Variants in NBAS observed in about 807,000 individuals in gnomAD.
NBAS encodes the protein NBAS subunit of NRZ tethering complex, also known as NAG/BC035112 fusion.
In NBAS, 219 loss-of-function variants were observed where a neutral mutation model predicts 302.5. The ratio of observed to expected loss-of-function variants is 0.72; its 90% confidence interval spans 0.65 to 0.81. NBAS has a LOEUF of 0.81. Among genes scored for constraint, NBAS ranks in the 30% least tolerant of loss-of-function variants. The pLI is 0.00. For synonymous variants in NBAS, 1,118 were observed against 1,021.6 expected (o/e 1.09, Z -1.80); for missense variants, 2,932 against 2,841.6 (o/e 1.03, Z -0.72).
At chr2:15,160,594 G>A in the NBAS span, among the ~76,000 whole-genome samples, 6 of 108,402 alleles carry the variant, frequency 5.5e-5, no homozygotes, top group South Asian at 4.4e-4. Context: ...GCGGGGGGAG[G>A]GGGGGGGGCA....
intron 40 of NBAS, among the ~76,000 whole-genome samples, chr2:15,298,097 C>A (rs749415056): frequency 4.6e-5 from 7 of 152,110 alleles, no homozygotes; most frequent in African/African-American, 7.2e-5. Flanking sequence ...GTAATCCCAG[C>A]ACTTTGGGAG....
the NBAS span, among the ~76,000 whole-genome samples, chr2:15,072,468 G>A: frequency 6.6e-6 from 1 of 151,958 alleles, no homozygotes; most frequent in South Asian, 2.1e-4. Context: ...AATTTTTTAT[G>A]ATGTTTCTGT....
At chr2:14,951,442 A>C in the NBAS span, among the ~76,000 whole-genome samples, 26,950 of 152,058 alleles carry the variant, frequency 0.18, 2,489 homozygotes, top group African/African-American at 0.21. Flanking sequence ...GTCATGATAG[A>C]TCAATTACCC....
chr2:15,439,534 T>G (rs1345871427), intron 21 of NBAS, among the ~76,000 whole-genome samples: 2 of 151,610 alleles, frequency 1.3e-5, no homozygotes, highest in Non-Finnish European at 2.9e-5. Flanking sequence ...CAGCTCTGGT[T>G]GCAAACAGCA....
intron 47 of NBAS, among the ~76,000 whole-genome samples, chr2:15,229,467 GCATCAACATAAAAAGATAAAAGAGGA>G (rs1343870424): frequency 1.3e-5 from 2 of 149,356 alleles, no homozygotes; most frequent in Admixed American, 6.7e-5. Flanking sequence ...AATAATATTT[GCATCAACATAAAAAGATAAAAGAGGA>G]CATGTGGGCC....
Position 15,275,793 on chromosome 2 carries a change from A to C in NBAS, c.5415T>G (p.Asp1805Glu), listed in dbSNP as rs776029373. Residue 1805 changes from aspartate (D) to glutamate (E), a missense_variant, in exon 44 of 52, where the codon GAT becomes GAG. By Grantham distance (45) the Asp-to-Glu change is conservative. Coordinates refer to ENST00000281513, the MANE Select transcript of NBAS (RefSeq NM_015909.4). ...ASGLNYKKLTDENMSPLEALE... is the reference protein window; with the variant it reads ...ASGLNYKKLTEENMSPLEALE... ...ATGCTTCAAGAGGACTCATGTTTTC[A>C]TCTGTCAGCTTTTTGTAATTAAGAC... 2.5e-5 allele frequency: 40 copies of C among 1,613,774 alleles called. No individual in the cohort carries two copies. The highest frequency in any genetic ancestry group is 3.2e-5 in the Non-Finnish European group (38 of 1,180,016).
chr2:15,352,363 C>T (rs1673402288), intron 34 of NBAS, among the ~76,000 whole-genome samples: 1 of 151,888 alleles, frequency 6.6e-6, no homozygotes, highest in African/African-American at 2.4e-5. Flanking sequence ...TTCTTGCCTC[C>T]AAAGAAGAAA....
intron 40 of NBAS, among the ~76,000 whole-genome samples, chr2:15,301,502 G>C (rs1016363904): frequency 1.3e-5 from 2 of 152,214 alleles, no homozygotes; most frequent in African/African-American, 4.8e-5. Context: ...CACCAAGTGA[G>C]CAATCAGTTT....
the NBAS span, among the ~76,000 whole-genome samples, chr2:15,079,714 C>T: frequency 6.6e-6 from 1 of 152,132 alleles, no homozygotes; most frequent in African/African-American, 2.4e-5. Flanking sequence ...CCCTTTCCTC[C>T]CCTGGGTTTC....
At chr2:15,056,101 TAA>T in the NBAS span, among the ~76,000 whole-genome samples, 2 of 147,440 alleles carry the variant, frequency 1.4e-5, no homozygotes. Context: ...CTCCTGGAAG[TAA>T]AAAAAAAAAA....
At chr2:15,037,083 C>T in the NBAS span, among the ~76,000 whole-genome samples, 6 of 152,210 alleles carry the variant, frequency 3.9e-5, no homozygotes, top group Admixed American at 3.9e-4. Flanking sequence ...TTTTTTGGAG[C>T]TTAGATTCAC....
intron 9 of NBAS, among the ~76,000 whole-genome samples, chr2:15,520,219 T>C (rs754888634): frequency 1.3e-5 from 2 of 152,144 alleles, no homozygotes; most frequent in African/African-American, 4.8e-5. Flanking sequence ...TTGAGCAACA[T>C]GGCAAGACCC....
chr2:14,938,471 G>A, the NBAS span, among the ~76,000 whole-genome samples: 17 of 152,126 alleles, frequency 1.1e-4, no homozygotes, highest in Admixed American at 9.2e-4. Flanking sequence ...TTTGAAACCT[G>A]ATCAGTCTCA....
rs144241208 is a variant in NBAS at position 15,238,594 on chromosome 2, G to C, written c.5817C>G (p.Asp1939Glu). 2.5e-6 allele frequency: 4 copies of C among 1,613,568 alleles called. No homozygotes were observed. The highest frequency in any genetic ancestry group is 3.4e-6 in the Non-Finnish European group (4 of 1,179,924). The part of the protein sequence containing the change: ...IEKPRKRNSE[D>E]EAQEAKDSKV... ...TAGAATCCTTAGCTTCTTGAGCTTC[G>C]TCTTCTGAGTTTCTTTTCCTTGGCT... The change falls in exon 45 of 52, where the codon GAC becomes GAG. Residue 1939 changes from aspartate (D) to glutamate (E), a missense_variant. Coordinates refer to ENST00000281513, the MANE Select transcript of NBAS (RefSeq NM_015909.4).
chr2:15,434,710 G>C (rs888364520), intron 21 of NBAS, among the ~76,000 whole-genome samples: 12 of 152,288 alleles, frequency 7.9e-5, no homozygotes, highest in African/African-American at 2.9e-4. Context: ...TTCATTTATA[G>C]TAATCAACTA....
chr2:15,069,780 TAAAAC>T, the NBAS span, among the ~76,000 whole-genome samples: 2 of 152,198 alleles, frequency 1.3e-5, no homozygotes, highest in Non-Finnish European at 1.5e-5. Flanking sequence ...AGCATCTACT[TAAAAC>T]AAAGAGCAAA....
At chr2:15,347,062 T>C (rs984949032) in intron 35 of NBAS, among the ~76,000 whole-genome samples, 4 of 152,166 alleles carry the variant, frequency 2.6e-5, no homozygotes, top group African/African-American at 9.7e-5. Flanking sequence ...CAAGCCACCA[T>C]GGCACACATA....
intron 32 of NBAS, 64 bp from the exon 33 acceptor site, chr2:15,356,480 T>C: frequency 1.9e-6 from 2 of 1,074,802 alleles, no homozygotes; most frequent in Non-Finnish European, 2.9e-6. Flanking sequence ...GAAGAGCTTG[T>C]TAACACTGTC....
chr2:15,147,546 C>T, the NBAS span, among the ~76,000 whole-genome samples: 12 of 152,072 alleles, frequency 7.9e-5, no homozygotes, highest in South Asian at 2.1e-4. Context: ...GAGCCAAGAT[C>T]GCACCATTGC....
Sources: allele counts gnomAD v4.1 joint callset (sites outside exome capture counted in the v4.1 genomes callset), GRCh38; gene constraint gnomAD v4.1.1; transcripts MANE v1.5; gene names NCBI Gene and HGNC (gene_info 2026-07-23, HGNC 2026-07-21).